The following ITGB6 variants were observed in gnomAD, a reference collection of about 807,000 sequenced individuals.
The protein encoded by ITGB6 is integrin beta-6.
ITGB6 carries 80 observed loss-of-function variants against 84.5 expected under a neutral mutation model. The ratio of observed to expected loss-of-function variants is 0.95; its 90% CI spans 0.79 to 1.14. The LOEUF (loss-of-function observed/expected upper bound fraction) is 1.14, where lower values mean the gene tolerates loss of function less well. ITGB6 is among the 50% of genes most tolerant of loss of function. The pLI is 0.00. For missense variants in ITGB6, 1,006 were observed against 968.0 expected (o/e 1.04, Z -0.52); for synonymous variants, 383 against 354.9 (o/e 1.08, Z -0.89).
intron 13 of ITGB6, 33 bp from the exon 14 acceptor site, chr2:160,107,878 T>TA: frequency 1.9e-6 from 3 of 1,538,846 alleles, no homozygotes; most frequent in African/African-American, 2.7e-5. Flanking sequence ...AAGAAGGTGG[T>TA]AAAATCAACA....
rs540546433 is a variant in ITGB6 at position 160,119,762 on chromosome 2, A to G, written c.1981+4029T>C. 1.4e-4 allele frequency among the ~76,000 whole-genome samples: 22 copies of G among 152,216 alleles called. No individual in the cohort carries two copies. The South Asian group carries it at 4.6e-3, about 32-fold the overall frequency. ...GAATGGGAGAAAATTTTCGCAACCT[A>G]CTCATCTGACAAAGGGCTAATATCC... On this transcript the variant is annotated intron_variant, in intron 12 of 14. Coordinates refer to ENST00000283249, the MANE Select transcript of ITGB6 (RefSeq NM_000888.5).
intron 7 of ITGB6, among the ~76,000 whole-genome samples, chr2:160,148,723 G>A (rs919475953): frequency 3.9e-5 from 6 of 152,160 alleles, no homozygotes; most frequent in Non-Finnish European, 7.3e-5. Flanking sequence ...AGACTACCTG[G>A]AAAAACGGGA....
intron 7 of ITGB6, among the ~76,000 whole-genome samples, chr2:160,154,787 G>A (rs898276508): frequency 3.9e-5 from 6 of 152,124 alleles, no homozygotes; most frequent in Non-Finnish European, 7.4e-5. Flanking sequence ...ATGAGAAGAC[G>A]GAGAAAGTTT....
At chr2:160,104,583 C>G (rs918952917) in intron 14 of ITGB6, among the ~76,000 whole-genome samples, 8 of 152,172 alleles carry the variant, frequency 5.3e-5, no homozygotes, top group African/African-American at 1.9e-4. Context: ...AATAGGAAAA[C>G]TCTGTCATGA....
At chr2:160,140,077 C>T (rs1483854112) in intron 8 of ITGB6, among the ~76,000 whole-genome samples, 3 of 152,130 alleles carry the variant, frequency 2.0e-5, no homozygotes, top group Non-Finnish European at 2.9e-5. Flanking sequence ...TTCCTTCTCT[C>T]TCTTTTTATA....
chr2:160,167,178 G>A (rs997019366), intron 7 of ITGB6, among the ~76,000 whole-genome samples: 3 of 152,106 alleles, frequency 2.0e-5, no homozygotes, highest in Non-Finnish European at 2.9e-5. Flanking sequence ...ACATCAAATC[G>A]CACAGGACTC....
intron 4 of ITGB6, among the ~76,000 whole-genome samples, chr2:160,191,964 C>T (rs977799746): frequency 6.6e-6 from 1 of 152,060 alleles, no homozygotes; most frequent in African/African-American, 2.4e-5. Context: ...AAACATTGCT[C>T]TGAGAAATTA....
chr2:160,127,260 C>G (rs939434455), intron 10 of ITGB6, among the ~76,000 whole-genome samples: 31 of 152,292 alleles, frequency 2.0e-4, no homozygotes, highest in African/African-American at 7.2e-4. Flanking sequence ...AACTAAGAAT[C>G]TGGAACCTTT....
chr2:160,142,003 C>T lies in ITGB6; in HGVS notation c.1086G>A (p.Gln362=), dbSNP rs1365584960. The T allele has an allele frequency of 6.2e-7, 1 of 1,607,712 alleles. No homozygotes were observed. The highest frequency in any genetic ancestry group is 2.2e-5 in the East Asian group (1 of 44,748). The change falls in exon 8 of 15, where the codon CAG becomes CAA. Residue 362 remains glutamine (Q), a synonymous_variant. Coordinates refer to ENST00000283249, the MANE Select transcript of ITGB6 (RefSeq NM_000888.5). ...LLQKDSGNIL[Q]LIISAYEELR... ...CTACTTCATAAGCTGAGATGATCAG[C>T]TGGAGAATGTTTCCGGAGTCCTTCT...
intron 8 of ITGB6, among the ~76,000 whole-genome samples, chr2:160,140,841 C>T (rs1574078440): frequency 6.6e-6 from 1 of 152,266 alleles, no homozygotes; most frequent in East Asian, 1.9e-4. Context: ...GAATATCTTG[C>T]TTTTCTTCCT....
At chr2:160,195,876 G>A (rs1686314191) in intron 3 of ITGB6, among the ~76,000 whole-genome samples, 1 of 152,108 alleles carries the variant, frequency 6.6e-6, no homozygotes, top group South Asian at 2.1e-4. Flanking sequence ...TAGAAGATAA[G>A]CTGAATTTTT....
intron 10 of ITGB6, among the ~76,000 whole-genome samples, chr2:160,131,561 A>C (rs1045638225): frequency 6.6e-5 from 10 of 152,202 alleles, no homozygotes; most frequent in Non-Finnish European, 1.3e-4. Flanking sequence ...AATGCCAGGC[A>C]CATAGTAGGT....
chr2:160,142,472 G>A (rs149902932), intron 7 of ITGB6, among the ~76,000 whole-genome samples: 1 of 152,228 alleles, frequency 6.6e-6, no homozygotes, highest in Non-Finnish European at 1.5e-5. Context: ...AAGGTTTGGT[G>A]CACATGGGCA....
At chr2:160,114,299 A>C (rs564742740) in intron 12 of ITGB6, among the ~76,000 whole-genome samples, 29 of 152,206 alleles carry the variant, frequency 1.9e-4, no homozygotes, top group Non-Finnish European at 5.9e-5. Context: ...ACAGATTTGC[A>C]TAATTCGCTG....
At chr2:160,180,347 A>G (rs866295668) in intron 4 of ITGB6, among the ~76,000 whole-genome samples, 2 of 152,164 alleles carry the variant, frequency 1.3e-5, no homozygotes, top group South Asian at 2.1e-4. Context: ...GACACTCTCT[A>G]TGTTGCCCAG....
rs535078871 is a variant in ITGB6 at position 160,163,166 on chromosome 2, T to A, written c.1017+6046A>T. Among the ~76,000 whole-genome samples the A allele has an allele frequency of 3.7e-4, 57 of 152,306 alleles. No homozygotes were observed. The South Asian group carries it at 0.012, about 31-fold the overall frequency. ...GGCAGAATCCAAGTGTCTGTCTTTTTTCAAGTCTATGCATCTTTAAATTGC... is the reference window on the plus strand; with the variant it reads ...GGCAGAATCCAAGTGTCTGTCTTTTATCAAGTCTATGCATCTTTAAATTGC... On this transcript the variant is annotated intron_variant, in intron 7 of 14. Transcript: ENST00000283249.
intron 7 of ITGB6, among the ~76,000 whole-genome samples, chr2:160,152,223 G>C (rs1237984752): frequency 3.3e-5 from 5 of 152,126 alleles, no homozygotes; most frequent in Admixed American, 3.3e-4. Context: ...ACCAAATCCA[G>C]CAGCACATCA....
intron 12 of ITGB6, among the ~76,000 whole-genome samples, chr2:160,114,750 A>C (rs1380306583): frequency 2.0e-5 from 3 of 152,166 alleles, no homozygotes; most frequent in Non-Finnish European, 4.4e-5. Context: ...TCCCTTTCCT[A>C]GTCAAAGAAA....
At chr2:160,181,597 G>A (rs1685674776) in intron 4 of ITGB6, among the ~76,000 whole-genome samples, 1 of 152,224 alleles carries the variant, frequency 6.6e-6, no homozygotes, top group African/African-American at 2.4e-5. Flanking sequence ...TGCCAGCTCT[G>A]AACAGAGCAG....
Sources: gnomAD v4.1 joint callset for allele counts (sites outside exome capture counted in the v4.1 genomes callset) on GRCh38, gnomAD v4.1.1 for gene constraint, MANE v1.5 for transcripts, NCBI Gene and HGNC (gene_info 2026-07-23, HGNC 2026-07-21) for gene names.